Variants in PCDH9 observed in about 807,000 individuals in gnomAD.
PCDH9 encodes protocadherin 9, also known as protocadherin-9.
A neutral mutation model predicts 70.6 loss-of-function variants in PCDH9; 24 were observed. The ratio of observed to expected loss-of-function variants is 0.34; its 90% CI spans 0.25 to 0.48. PCDH9 has a LOEUF of 0.48. PCDH9 is among the 20% of genes least tolerant of loss of function. The pLI is 0.99. For synonymous variants in PCDH9, 562 were observed against 558.5 expected (o/e 1.01, Z -0.09); for missense variants, 1,281 against 1,503.6 (o/e 0.85, Z 2.45).
At chr13:67,189,145 T>TAC (rs773412648) in intron 2 of PCDH9, among the ~76,000 whole-genome samples, 102 of 150,608 alleles carry the variant, frequency 6.8e-4, no homozygotes, top group African/African-American at 1.7e-3. Context: ...TATGAAGGAA[T>TAC]ACACACACAC....
rs2077026796 is a variant in PCDH9, at chr13:66,590,656, G to A, written c.3340+40554C>T. Among the ~76,000 whole-genome samples, 3 of 151,802 alleles carry A rather than the reference G, an allele frequency of 2.0e-5. 1 individual carries two copies. In the South Asian group the frequency reaches 6.2e-4, roughly 32 times the overall value. ...CTGTTTGTTGAAACTTGTTCTCAGT[G>A]TTTGCTTTTGATATTTATTGCACAG... On this transcript the variant is annotated intron_variant, in intron 4 of 4. Transcript: ENST00000377865.
At chr13:66,410,448 A>G (rs1957350668) in intron 4 of PCDH9, among the ~76,000 whole-genome samples, 1 of 152,212 alleles carries the variant, frequency 6.6e-6, no homozygotes, top group Non-Finnish European at 1.5e-5. Context: ...GGAAACTACA[A>G]CTTATGCCAA....
chr13:66,845,110 T>C (rs113393592), intron 3 of PCDH9, among the ~76,000 whole-genome samples: 31 of 152,220 alleles, frequency 2.0e-4, no homozygotes, highest in Non-Finnish European at 3.7e-4. Flanking sequence ...GCCCCCAGCC[T>C]TCAAGCCGCC....
At chr13:66,862,513 T>C (rs1193613272) in intron 3 of PCDH9, among the ~76,000 whole-genome samples, 1 of 152,226 alleles carries the variant, frequency 6.6e-6, no homozygotes, top group Non-Finnish European at 1.5e-5. Flanking sequence ...ATTCTTCTGC[T>C]GTGTAGACAG....
rs1053912232 is a variant in PCDH9, at chr13:66,419,697, G to A, written c.3341-114669C>T. ...TCCCTCCGGTGCCTACATCACCAGG[G>A]CCCTGGGTTTCAAGCACAAAACTGG... On this transcript the variant is annotated intron_variant, in intron 4 of 4. Coordinates refer to ENST00000377865, the MANE Select transcript of PCDH9 (RefSeq NM_203487.3). Among the ~76,000 whole-genome samples the A allele has an allele frequency of 4.5e-4, 69 of 151,804 alleles. 1 individual carries two copies. Among genetic ancestry groups the A allele is most frequent in the Non-Finnish European group, 2.8e-4 (19 of 68,014 alleles).
At chr13:66,946,428 G>T (rs1337705197) in intron 2 of PCDH9, among the ~76,000 whole-genome samples, 1 of 152,028 alleles carries the variant, frequency 6.6e-6, no homozygotes, top group African/African-American at 2.4e-5. Flanking sequence ...CCAACACTTT[G>T]CAGGGCCAAG....
At chr13:66,527,268 CAAA>C (rs59891757) in intron 4 of PCDH9, among the ~76,000 whole-genome samples, 1 of 137,290 alleles carries the variant, frequency 7.3e-6, no homozygotes, top group African/African-American at 2.7e-5. Flanking sequence ...GTTGTCAAAA[CAAA>C]AAAAAAAAGA....
At chr13:66,746,852 TAGTA>T (rs1216106917) in intron 3 of PCDH9, among the ~76,000 whole-genome samples, 1 of 152,116 alleles carries the variant, frequency 6.6e-6, no homozygotes, top group African/African-American at 2.4e-5. Context: ...ACATTAGAAA[TAGTA>T]AGTATAATAA....
chr13:67,050,967 C>A (rs1295124666), intron 2 of PCDH9, among the ~76,000 whole-genome samples: 2 of 152,124 alleles, frequency 1.3e-5, no homozygotes, highest in African/African-American at 4.8e-5. Flanking sequence ...AAAAATACAA[C>A]TAAAAGCTCA....
intron 3 of PCDH9, among the ~76,000 whole-genome samples, chr13:66,730,755 T>C (rs1209701577): frequency 1.3e-5 from 2 of 151,320 alleles, no homozygotes; most frequent in Admixed American, 6.6e-5. Context: ...TATAGCTCAC[T>C]GCGTCCTTGA....
chr13:66,539,574 A>C (rs1177934732), intron 4 of PCDH9, among the ~76,000 whole-genome samples: 3 of 152,152 alleles, frequency 2.0e-5, no homozygotes, highest in Admixed American at 2.0e-4. Context: ...CATGGCTGGA[A>C]GAATCACTCA....
intron 4 of PCDH9, among the ~76,000 whole-genome samples, chr13:66,585,289 A>C (rs958549582): frequency 1.3e-5 from 2 of 152,094 alleles, no homozygotes; most frequent in Non-Finnish European, 2.9e-5. Context: ...TACTATATAA[A>C]GTTTTGATTA....
chr13:66,865,838 G>C (rs1277163341), intron 3 of PCDH9, among the ~76,000 whole-genome samples: 1 of 152,180 alleles, frequency 6.6e-6, no homozygotes, highest in Non-Finnish European at 1.5e-5. Context: ...ACATTAAGTT[G>C]TCAAGTTTTT....
At chr13:66,594,768 C>G (rs1443655578) in intron 4 of PCDH9, among the ~76,000 whole-genome samples, 1 of 151,452 alleles carries the variant, frequency 6.6e-6, no homozygotes, top group African/African-American at 2.4e-5. Flanking sequence ...TTTCTGTTCC[C>G]GCATTAGTTT....
chr13:66,338,573 C>T (rs756717417), intron 4 of PCDH9, among the ~76,000 whole-genome samples: 4 of 151,602 alleles, frequency 2.6e-5, no homozygotes, highest in Non-Finnish European at 5.9e-5. Flanking sequence ...ATTTTTAAGA[C>T]ATTACACTCA....
intron 4 of PCDH9, among the ~76,000 whole-genome samples, chr13:66,449,845 G>C (rs958709435): frequency 6.6e-6 from 1 of 151,902 alleles, no homozygotes; most frequent in Non-Finnish European, 1.5e-5. Context: ...TTCTATTCTA[G>C]AGTTAGAAAA....
intron 3 of PCDH9, chr13:66,876,725 T>C (rs879316304): frequency 6.6e-6 from 1 of 152,114 alleles, no homozygotes; most frequent in Non-Finnish European, 1.5e-5. Flanking sequence ...AAAAGAGGTT[T>C]CTAGAGATTA....
chr13:66,935,022 G>A (rs2082892804), intron 2 of PCDH9, among the ~76,000 whole-genome samples: 1 of 151,660 alleles, frequency 6.6e-6, no homozygotes, highest in South Asian at 2.1e-4. Context: ...GCCCGGCCGT[G>A]TTTGCATTTT....
At chr13:66,360,523 G>T (rs138114820) in intron 4 of PCDH9, among the ~76,000 whole-genome samples, 2 of 152,220 alleles carry the variant, frequency 1.3e-5, no homozygotes, top group African/African-American at 4.8e-5. Context: ...AATTAAAGGA[G>T]ACATGAAATA....
Sources: allele counts gnomAD v4.1 joint callset (sites outside exome capture counted in the v4.1 genomes callset), GRCh38; gene constraint gnomAD v4.1.1; transcripts MANE v1.5; gene names NCBI Gene and HGNC (gene_info 2026-07-23, HGNC 2026-07-21).